The following INPP4B variants were observed in gnomAD, a reference collection of about 807,000 sequenced individuals.
INPP4B encodes inositol polyphosphate 4-phosphatase type II.
A neutral mutation model predicts 122.5 loss-of-function variants in INPP4B; 55 were observed. The observed-to-expected ratio is 0.45, with a 90% CI of 0.36 to 0.56. INPP4B has a LOEUF of 0.56. INPP4B is among the 20% of genes least tolerant of loss of function. INPP4B has a pLI of 0.00. For synonymous variants in INPP4B, 403 were observed against 388.7 expected (o/e 1.04, Z -0.43); for missense variants, 1,000 against 1,097.7 (o/e 0.91, Z 1.26).
chr4:142,141,246 A>G (rs1807658110), intron 18 of INPP4B, among the ~76,000 whole-genome samples: 1 of 152,228 alleles, frequency 6.6e-6, no homozygotes, highest in African/African-American at 2.4e-5. Flanking sequence ...AGAGTTTTCT[A>G]TAACTGAAGA....
chr4:142,316,305 A>G (rs531895411), intron 7 of INPP4B, among the ~76,000 whole-genome samples: 139 of 152,240 alleles, frequency 9.1e-4, no homozygotes, highest in South Asian at 2.1e-4. Context: ...TGGTAGCTGC[A>G]TTAACATTTT....
rs191877258 is a variant in INPP4B, at chr4:142,781,979, A to T, written c.-253-56078T>A. Among the ~76,000 whole-genome samples, 703 of 150,056 alleles carry T rather than the reference A, an allele frequency of 4.7e-3. 7 individuals carry two copies. Among genetic ancestry groups the T allele is most frequent in the African/African-American group, 0.016 (669 of 40,692 alleles). ...TAACCTTTTATTTTTTTTATTTTTT[A>T]ATTTATTTTATTATTATTATACTTT... On this transcript the variant is annotated intron_variant, in intron 1 of 25. Transcript: ENST00000262992.
Position 142,756,377 on chromosome 4 carries a change from A to T in INPP4B, c.-253-30476T>A, listed in dbSNP as rs192882743. Among the ~76,000 whole-genome samples the T allele has an allele frequency of 3.3e-3, 498 of 152,176 alleles. 2 individuals are homozygous for T. Among genetic ancestry groups the T allele is most frequent in the Middle Eastern group, 0.014 (4 of 294 alleles). ...CTCTGGGATTCTTGCTAGGTAAGAC[A>T]ATTAATCCTCTTATTATTTAAGACA... On this transcript the variant is annotated intron_variant, in intron 1 of 25. Coordinates refer to ENST00000262992, the MANE Select transcript of INPP4B (RefSeq NM_001101669.3).
At chr4:142,376,858 G>A (rs763817763) in intron 7 of INPP4B, among the ~76,000 whole-genome samples, 9 of 151,908 alleles carry the variant, frequency 5.9e-5, no homozygotes, top group Non-Finnish European at 1.2e-4. Context: ...ATACGACAAG[G>A]TCCCTATTGA....
intron 7 of INPP4B, among the ~76,000 whole-genome samples, chr4:142,359,426 T>C (rs1027519529): frequency 5.3e-5 from 8 of 151,990 alleles, no homozygotes; most frequent in Non-Finnish European, 1.2e-4. Context: ...AGAATTTAAG[T>C]GTTTAAGAAA....
chr4:142,588,600 A>G (rs762896575), intron 2 of INPP4B, among the ~76,000 whole-genome samples: 2 of 150,482 alleles, frequency 1.3e-5, no homozygotes, highest in Non-Finnish European at 3.0e-5. Flanking sequence ...ATAATTATTA[A>G]TTCCAAAAAA....
chr4:142,802,046 A>C (rs1169694973), intron 1 of INPP4B, among the ~76,000 whole-genome samples: 1 of 152,200 alleles, frequency 6.6e-6, no homozygotes, highest in African/African-American at 2.4e-5. Flanking sequence ...ACTTGGTCAC[A>C]TACAGAAATG....
intron 2 of INPP4B, among the ~76,000 whole-genome samples, chr4:142,706,802 A>G (rs2150779335): frequency 6.6e-6 from 1 of 152,374 alleles, no homozygotes; most frequent in South Asian, 2.1e-4. Flanking sequence ...AAAGGAGAAT[A>G]CAGGCCTTGT....
intron 23 of INPP4B, among the ~76,000 whole-genome samples, chr4:142,099,464 G>A (rs336308): frequency 0.53 from 81,124 of 151,966 alleles, 25,094 homozygotes; most frequent in Non-Finnish European, 0.68. Flanking sequence ...TGGTATGACA[G>A]TTGAGATGTT....
intron 7 of INPP4B, chr4:142,317,575 AG>A: frequency 4.9e-6 from 1 of 203,878 alleles, no homozygotes; most frequent in Admixed American, 5.0e-5. Flanking sequence ...TATGGAAAAT[AG>A]GAGACTTTGT....
At chr4:142,440,288 C>T (rs1811409421) in intron 3 of INPP4B, among the ~76,000 whole-genome samples, 1 of 152,098 alleles carries the variant, frequency 6.6e-6, no homozygotes, top group African/African-American at 2.4e-5. Context: ...GGGATATTAT[C>T]AGAGTATAGG....
intron 1 of INPP4B, among the ~76,000 whole-genome samples, chr4:142,807,419 AGTG>A (rs1778997964): frequency 6.6e-6 from 1 of 152,180 alleles, no homozygotes; most frequent in Non-Finnish European, 1.5e-5. Flanking sequence ...TAAACTGGAA[AGTG>A]GTATTCAAAG....
intron 13 of INPP4B, 134 bp downstream of exon 13, chr4:142,208,762 A>T: frequency 4.6e-6 from 3 of 657,266 alleles, no homozygotes. Context: ...TTAAGATGTT[A>T]AAGTTAGAAA....
At chr4:142,149,846 T>A (rs1463783173) in intron 17 of INPP4B, among the ~76,000 whole-genome samples, 3 of 152,140 alleles carry the variant, frequency 2.0e-5, no homozygotes, top group African/African-American at 7.2e-5. Context: ...GAGTATCAGG[T>A]TCAAGGCCCC....
chr4:142,564,470 AG>A lies in INPP4B; in HGVS notation c.-190-101745del, dbSNP rs1203764348. On this transcript the variant is annotated intron_variant, in intron 2 of 25. Coordinates refer to ENST00000262992, the MANE Select transcript of INPP4B (RefSeq NM_001101669.3). ...AAAAAAAAAAGAAAGAAAGAAAGAA[AG>A]AAAGAAAAAAAAGAAACTCAGCAGT... Among the ~76,000 whole-genome samples, 198 of 143,008 alleles carry A rather than the reference AG, an allele frequency of 1.4e-3. 11 individuals carry two copies. The highest frequency in any genetic ancestry group is 6.5e-3 in the East Asian group (26 of 3,994). The allele number at this position is 143,008 out of a possible 152,430, so 93.8% of individuals were successfully genotyped here.
At chr4:142,193,815 C>T (rs1837044487) in intron 14 of INPP4B, among the ~76,000 whole-genome samples, 1 of 151,910 alleles carries the variant, frequency 6.6e-6, no homozygotes, top group South Asian at 2.1e-4. Context: ...GTTTTTATAA[C>T]AAAAAATCCA....
chr4:142,198,456 C>T (rs116111153), intron 14 of INPP4B, among the ~76,000 whole-genome samples: 4,457 of 151,348 alleles, frequency 0.029, 200 homozygotes, highest in African/African-American at 0.1. Context: ...TCATGTGTTC[C>T]TTTTTTTAAA....
intron 18 of INPP4B, among the ~76,000 whole-genome samples, chr4:142,134,117 G>T (rs975168809): frequency 6.6e-6 from 1 of 152,132 alleles, no homozygotes; most frequent in Non-Finnish European, 1.5e-5. Context: ...CTAAAACAGT[G>T]CCTAGCACAT....
chr4:142,487,756 A>T (rs1255442120), intron 2 of INPP4B, among the ~76,000 whole-genome samples: 2 of 152,162 alleles, frequency 1.3e-5, no homozygotes, highest in Non-Finnish European at 2.9e-5. Flanking sequence ...ACAGAAATAC[A>T]TTTGTATAAA....
Sources: gnomAD v4.1 joint callset for allele counts (sites outside exome capture counted in the v4.1 genomes callset) on GRCh38, gnomAD v4.1.1 for gene constraint, MANE v1.5 for transcripts, NCBI Gene and HGNC (gene_info 2026-07-23, HGNC 2026-07-21) for gene names.